The following ZYG11B variants were observed in gnomAD, a reference collection of about 807,000 sequenced individuals.
ZYG11B encodes zyg-11 family member B, cell cycle regulator.
Under a neutral mutation model 82.4 loss-of-function variants are expected in ZYG11B, and 36 were observed. That is an observed-to-expected ratio of 0.44 (90% CI 0.33 to 0.58). The LOEUF is 0.58. Among genes scored for constraint, ZYG11B ranks in the 20% least tolerant of loss-of-function variants. The probability of loss-of-function intolerance (pLI) is 0.02; values close to 1 mark genes in which losing one functional copy is unlikely to be tolerated. For missense variants in ZYG11B, 552 were observed against 895.6 expected (o/e 0.62, Z 4.90); for synonymous variants, 303 against 312.8 (o/e 0.97, Z 0.33).
chr1:52,733,273 T>C (rs1644349027), intron 1 of ZYG11B, among the ~76,000 whole-genome samples: 1 of 152,182 alleles, frequency 6.6e-6, no homozygotes, highest in Admixed American at 6.5e-5. Flanking sequence ...AATAGTAATA[T>C]CTCTTAAATA....
chr1:52,801,620 T>A (rs1157464841), intron 8 of ZYG11B, among the ~76,000 whole-genome samples, 199 bp from the exon 9 acceptor site: 1 of 152,142 alleles, frequency 6.6e-6, no homozygotes, highest in Non-Finnish European at 1.5e-5. Context: ...ATGATCAGAA[T>A]AATATAGAAG....
chr1:52,802,950 G>A (rs1459050374), intron 10 of ZYG11B, among the ~76,000 whole-genome samples: 1 of 150,274 alleles, frequency 6.7e-6, no homozygotes, highest in Non-Finnish European at 1.5e-5. Flanking sequence ...AACCCAGGAG[G>A]TGGAGATTGC....
intron 1 of ZYG11B, among the ~76,000 whole-genome samples, chr1:52,727,388 C>A (rs927771944): frequency 5.3e-5 from 8 of 152,112 alleles, no homozygotes; most frequent in African/African-American, 1.9e-4. Context: ...AGTGTCATTG[C>A]AAAATCGAAG....
intron 1 of ZYG11B, among the ~76,000 whole-genome samples, chr1:52,741,769 A>G (rs1571743235): frequency 6.6e-6 from 1 of 152,130 alleles, no homozygotes; most frequent in Non-Finnish European, 1.5e-5. Context: ...TTTAGAATTT[A>G]TTTAATTCTG....
intron 3 of ZYG11B, chr1:52,772,657 C>T (rs781506856): frequency 1.0e-4 from 83 of 816,320 alleles, no homozygotes; most frequent in African/African-American, 1.9e-4. Flanking sequence ...ATGATGGCGG[C>T]GATCAGGCAA....
At position 52,803,101 on chromosome 1, in the gene ZYG11B, T is replaced by C. The variant is rs796527977; in HGVS notation, c.1695+962T>C. ...ATATATATACACATATATATATACA[T>C]ATATATATATATATATACACACATA... On this transcript the variant is annotated intron_variant, in intron 10 of 13. Coordinates refer to ENST00000294353, the MANE Select transcript of ZYG11B (RefSeq NM_024646.3). 1.9e-3 allele frequency among the ~76,000 whole-genome samples: 161 copies of C among 83,520 alleles called. 24 individuals are homozygous for C. Among genetic ancestry groups the C allele is most frequent in the African/African-American group, 0.013 (111 of 8,704 alleles). The allele number at this position is 83,520 out of a possible 152,430, so 54.8% of individuals were successfully genotyped here.
intron 6 of ZYG11B, among the ~76,000 whole-genome samples, chr1:52,793,928 TTTC>T (rs1644984811): frequency 8.1e-6 from 1 of 123,544 alleles, no homozygotes; most frequent in Non-Finnish European, 1.6e-5. Context: ...CTTTCTTAGT[TTTC>T]TTTGTTTTCT....
At chr1:52,789,191 C>T (rs1044490151) in intron 5 of ZYG11B, among the ~76,000 whole-genome samples, 13 of 152,182 alleles carry the variant, frequency 8.5e-5, no homozygotes, top group African/African-American at 3.1e-4. Flanking sequence ...TTCCATGAAG[C>T]AAATAGGGTG....
chr1:52,762,310 C>T (rs1016347759), intron 2 of ZYG11B, among the ~76,000 whole-genome samples: 2 of 150,728 alleles, frequency 1.3e-5, no homozygotes, highest in Non-Finnish European at 2.9e-5. Context: ...CAGGCTCAAG[C>T]AATCCTCCTG....
intron 6 of ZYG11B, among the ~76,000 whole-genome samples, chr1:52,791,261 C>T (rs1188885010): frequency 1.3e-5 from 2 of 152,030 alleles, no homozygotes; most frequent in Admixed American, 6.6e-5. Flanking sequence ...GCGTGAGCCA[C>T]CATGCCCAGT....
rs187907015 is a variant in ZYG11B, at chr1:52,809,742, G to A, written c.1696-3794G>A. On this transcript the variant is annotated intron_variant, in intron 10 of 13. Coordinates refer to ENST00000294353, the MANE Select transcript of ZYG11B (RefSeq NM_024646.3). ...TCTGAGACAGTATCTTGTAGTTTTT[G>A]TTTGCATTTCTCTGATGATAAGTGG... 1.1e-4 allele frequency among the ~76,000 whole-genome samples: 17 copies of A among 151,792 alleles called. No homozygotes were observed. In the East Asian group the frequency reaches 2.7e-3, roughly 24 times the overall value.
chr1:52,815,852 G>A (rs1414511080), intron 12 of ZYG11B, among the ~76,000 whole-genome samples: 2 of 151,532 alleles, frequency 1.3e-5, no homozygotes, highest in African/African-American at 2.4e-5. Flanking sequence ...GGAGAATGCC[G>A]TGAACCCAGG....
chr1:52,798,135 A>C (rs79131555), intron 8 of ZYG11B, among the ~76,000 whole-genome samples: 1 of 151,826 alleles, frequency 6.6e-6, no homozygotes, highest in East Asian at 1.9e-4. Context: ...AACAAACAAC[A>C]AAAAATTTTT....
intron 8 of ZYG11B, among the ~76,000 whole-genome samples, chr1:52,799,709 C>T (rs116363395): frequency 0.019 from 2,833 of 151,144 alleles, 32 homozygotes; most frequent in Non-Finnish European, 0.03. Flanking sequence ...GCAGGAGAAT[C>T]GCTTGAATCG....
At chr1:52,750,544 AT>A (rs1044623679) in intron 1 of ZYG11B, among the ~76,000 whole-genome samples, 3 of 152,120 alleles carry the variant, frequency 2.0e-5, no homozygotes, top group African/African-American at 7.2e-5. Context: ...AAGTGCTGAG[AT>A]TACAGGTGTG....
intron 10 of ZYG11B, among the ~76,000 whole-genome samples, chr1:52,810,307 T>C (rs1405688127): frequency 6.6e-6 from 1 of 152,216 alleles, no homozygotes; most frequent in Non-Finnish European, 1.5e-5. Flanking sequence ...TCTAACTCTT[T>C]AGATGGTTAT....
At chr1:52,795,489 C>T (rs904631167) in intron 6 of ZYG11B, among the ~76,000 whole-genome samples, 2 of 152,186 alleles carry the variant, frequency 1.3e-5, no homozygotes, top group Non-Finnish European at 2.9e-5. Context: ...CACTTTATCT[C>T]TCAGAACTCT....
chr1:52,784,746 C>G, intron 4 of ZYG11B, 131 bp from the exon 5 acceptor site: 1 of 976,668 alleles, frequency 1.0e-6, no homozygotes, highest in Non-Finnish European at 1.5e-6. Context: ...ATCCTAGGCT[C>G]TTTGCACATG....
chr1:52,783,334 G>A (rs1225623122), intron 4 of ZYG11B, among the ~76,000 whole-genome samples: 1 of 152,000 alleles, frequency 6.6e-6, no homozygotes, highest in African/African-American at 2.4e-5. Flanking sequence ...TTTTTTAATA[G>A]GAAAAATATA....
Sources: gnomAD v4.1 joint callset for allele counts (sites outside exome capture counted in the v4.1 genomes callset) on GRCh38, gnomAD v4.1.1 for gene constraint, MANE v1.5 for transcripts, NCBI Gene and HGNC (gene_info 2026-07-23, HGNC 2026-07-21) for gene names.